Variants in TENM3 observed in about 807,000 individuals in gnomAD.
The protein encoded by TENM3 is teneurin transmembrane protein 3, also known as teneurin-3.
Under a neutral mutation model 255.1 loss-of-function variants are expected in TENM3, and 63 were observed. That is an observed-to-expected ratio of 0.25 (90% CI 0.20 to 0.30). The LOEUF (loss-of-function observed/expected upper bound fraction) is 0.30. Among genes scored for constraint, TENM3 ranks in the 10% least tolerant of loss-of-function variants. The pLI, the probability that TENM3 is intolerant of heterozygous loss-of-function variation, is 1.00. For synonymous variants in TENM3, 1,306 were observed against 1,322.3 expected (o/e 0.99, Z 0.27); for missense variants, 2,929 against 3,461.1 (o/e 0.85, Z 3.86).
intron 3 of TENM3, among the ~76,000 whole-genome samples, chr4:182,495,542 G>A (rs946338035): frequency 6.6e-6 from 1 of 152,052 alleles, no homozygotes; most frequent in East Asian, 1.9e-4. Flanking sequence ...GAATTTATTT[G>A]GTGAAAAATG....
At chr4:182,651,488 C>G (rs1001573407) in intron 5 of TENM3, among the ~76,000 whole-genome samples, 3 of 151,822 alleles carry the variant, frequency 2.0e-5, no homozygotes, top group Non-Finnish European at 2.9e-5. Context: ...TTCAGGAGTT[C>G]GAGAACAGCC....
At position 182,737,040 on chromosome 4, in the gene TENM3, A is replaced by G. The variant is rs1761224192; in HGVS notation, c.3200A>G (p.Tyr1067Cys). 6.2e-7 allele frequency: 1 copy of G among 1,613,752 alleles called. No homozygotes were observed. The highest frequency in any genetic ancestry group is 8.5e-7 in the Non-Finnish European group (1 of 1,179,812). Reference sequence around the variant, plus strand: ...TTCATATGGGATAAAACAGATGCATATAATCAGAAAGTCTATGGTCTATCT... The same window carrying G: ...TTCATATGGGATAAAACAGATGCATGTAATCAGAAAGTCTATGGTCTATCT... Reference protein sequence around the residue: ...YTFIWDKTDAYNQKVYGLSEA... With the variant: ...YTFIWDKTDACNQKVYGLSEA... Residue 1067 changes from tyrosine (Y) to cysteine (C), a missense_variant, in exon 17 of 28, where the codon TAT becomes TGT. Around this residue, in one of 6 missense-constraint regions of TENM3, gnomAD observed 1,608 missense variants for 1,884.4 expected, o/e 0.85. Transcript: ENST00000511685.
chr4:182,026,794 T>G, the TENM3 span, among the ~76,000 whole-genome samples: 2 of 152,158 alleles, frequency 1.3e-5, no homozygotes, highest in African/African-American at 4.8e-5. Context: ...GTTTCTGGGT[T>G]CTTTACTCTG....
the TENM3 span, among the ~76,000 whole-genome samples, chr4:181,658,941 C>A: frequency 1.3e-5 from 2 of 152,056 alleles, no homozygotes; most frequent in Admixed American, 1.3e-4. Context: ...CGAACCACAG[C>A]GACTCCATCT....
the TENM3 span, among the ~76,000 whole-genome samples, chr4:182,115,776 T>A: frequency 6.6e-6 from 1 of 152,202 alleles, no homozygotes; most frequent in African/African-American, 2.4e-5. Context: ...ATCCATATTA[T>A]CATGTGACTC....
chr4:182,023,169 A>G, the TENM3 span, among the ~76,000 whole-genome samples: 5 of 152,140 alleles, frequency 3.3e-5, no homozygotes, highest in African/African-American at 9.7e-5. Flanking sequence ...CTTGGCTTCC[A>G]TTTATTTAAG....
chr4:181,770,413 G>A, the TENM3 span, among the ~76,000 whole-genome samples: 1 of 152,082 alleles, frequency 6.6e-6, no homozygotes, highest in Non-Finnish European at 1.5e-5. Flanking sequence ...GGTGGCTCAC[G>A]CCTGTAATCC....
At chr4:182,283,711 T>C (rs1417392113) in intron 1 of TENM3, among the ~76,000 whole-genome samples, 2 of 152,126 alleles carry the variant, frequency 1.3e-5, no homozygotes, top group Admixed American at 1.3e-4. Flanking sequence ...GCGGTGGATG[T>C]GGTGGGGTGA....
At position 182,796,812 on chromosome 4, in the gene TENM3, T is replaced by A. The variant is rs199998255; in HGVS notation, c.7344+45T>A. ...ACGGAAAGGTGATAAGTAGCTTGTG[T>A]CTTATCTACCCATATCTAATCAAAC... On this transcript the variant is annotated intron_variant, in intron 27 of 27. Transcript: ENST00000511685. The A allele has an allele frequency of 5.0e-4, 753 of 1,506,496 alleles. 1 individual carries two copies. Among genetic ancestry groups the A allele is most frequent in the Middle Eastern group, 1.0e-3 (6 of 5,774 alleles). 93.3% of individuals were successfully genotyped at this position (1,506,496 alleles called of 1,614,324 possible).
At chr4:182,106,830 T>A in the TENM3 span, among the ~76,000 whole-genome samples, 2 of 152,140 alleles carry the variant, frequency 1.3e-5, no homozygotes, top group Non-Finnish European at 2.9e-5. Context: ...GCCTACCATG[T>A]GCAGAAATAA....
the TENM3 span, among the ~76,000 whole-genome samples, chr4:182,119,441 TC>T: frequency 6.6e-6 from 1 of 151,598 alleles, no homozygotes; most frequent in Non-Finnish European, 1.5e-5. Context: ...CAATTACGGT[TC>T]CGGTTTACCT....
the TENM3 span, among the ~76,000 whole-genome samples, chr4:181,670,207 G>A: frequency 6.6e-6 from 1 of 152,032 alleles, no homozygotes; most frequent in Non-Finnish European, 1.5e-5. Flanking sequence ...TTAACCACTA[G>A]GTAATATTTA....
the TENM3 span, among the ~76,000 whole-genome samples, chr4:182,018,585 A>T: frequency 1.3e-5 from 2 of 152,142 alleles, no homozygotes; most frequent in Non-Finnish European, 2.9e-5. Context: ...GAATAATAAT[A>T]TTTATCTAGC....
At chr4:181,652,903 C>T in the TENM3 span, among the ~76,000 whole-genome samples, 2 of 152,180 alleles carry the variant, frequency 1.3e-5, no homozygotes, top group African/African-American at 4.8e-5. Flanking sequence ...TTGCCAAGAT[C>T]TTTAACCTCT....
the TENM3 span, among the ~76,000 whole-genome samples, chr4:181,707,838 G>T: frequency 2.6e-5 from 4 of 152,144 alleles, no homozygotes; most frequent in Non-Finnish European, 5.9e-5. Context: ...TATATAGTTT[G>T]CTATGCATAT....
At position 182,789,534 on chromosome 4, in the gene TENM3, G is replaced by A; in HGVS notation, c.5601+145G>A. 1 of 793,550 alleles carries A rather than the reference G, an allele frequency of 1.3e-6. No homozygotes were observed. The highest frequency in any genetic ancestry group is 2.0e-6 in the Non-Finnish European group (1 of 508,800). 49.2% of individuals were successfully genotyped at this position (793,550 alleles called of 1,614,324 possible). On this transcript the variant is annotated intron_variant, in intron 25 of 27. Coordinates refer to ENST00000511685, the MANE Select transcript of TENM3 (RefSeq NM_001080477.4). This position sits in a 1 kb window ranked among gnomAD's most constrained non-coding sequence, Gnocchi z 4.4. ...AAGTATCAATACGGAAGTCACATTG[G>A]CACAGCAGTGATGAATTTCTGCATT...
At chr4:182,777,656 C>T (rs575104959) in intron 24 of TENM3, among the ~76,000 whole-genome samples, 36 of 136,732 alleles carry the variant, frequency 2.6e-4, no homozygotes, top group African/African-American at 9.0e-4. Context: ...CTCCCGGGTT[C>T]AATCAACTCT....
rs1759346505 is a variant in TENM3, at chr4:182,267,929, A to G, written c.-76+24453A>G. Among the ~76,000 whole-genome samples, 4 of 152,114 alleles carry G rather than the reference A, an allele frequency of 2.6e-5. No individual in the cohort carries two copies. The South Asian group carries it at 8.3e-4, about 31-fold the overall frequency. On this transcript the variant is annotated intron_variant, in intron 1 of 27. Coordinates refer to ENST00000511685, the MANE Select transcript of TENM3 (RefSeq NM_001080477.4). ...AGTTGTTTTTAAGTTTATTTCTGCA[A>G]TCTAGGCTAACCCTGCTTATTCCTG...
At chr4:181,744,762 G>C in the TENM3 span, among the ~76,000 whole-genome samples, 1 of 152,152 alleles carries the variant, frequency 6.6e-6, no homozygotes, top group South Asian at 2.1e-4. Context: ...TTTGCAAATA[G>C]TTTTGGTATG....
Sources: gnomAD v4.1 joint callset for allele counts (sites outside exome capture counted in the v4.1 genomes callset) on GRCh38, gnomAD v4.1.1 for gene constraint, gnomAD v4.1.1 regional missense constraint, Gnocchi (gnomAD v3.1) non-coding constraint, MANE v1.5 for transcripts, NCBI Gene and HGNC (gene_info 2026-07-23, HGNC 2026-07-21) for gene names.